NSD2: variants seen among roughly 807,000 people sequenced by gnomAD.
The protein encoded by NSD2 is histone-lysine N-methyltransferase NSD2.
In NSD2, 12 loss-of-function variants were observed where a neutral mutation model predicts 139.0. That is an observed-to-expected ratio of 0.09 (90% confidence interval 0.06 to 0.14). NSD2 has a LOEUF of 0.14. NSD2 is among the 10% of genes least tolerant of loss of function. NSD2 has a pLI of 1.00. For missense variants in NSD2, 1,155 were observed against 1,745.0 expected (o/e 0.66, Z 6.02); for synonymous variants, 669 against 648.7 (o/e 1.03, Z -0.48).
chr4:1,944,144 T>C, intron 9 of NSD2: 1 of 1,066,328 alleles, frequency 9.4e-7, no homozygotes, highest in Non-Finnish European at 1.1e-6. Context: ...GCAAGTGAAC[T>C]CAGCACTCTG....
rs967398828 is a variant in NSD2, at chr4:1,948,933, C to T, written c.1882-2139C>T. The T allele has an allele frequency of 1.1e-5, 5 of 468,810 alleles. No homozygotes were observed. The highest frequency in any genetic ancestry group is 2.1e-5 in the African/African-American group (1 of 47,342). 29.0% of individuals were successfully genotyped at this position (468,810 alleles called of 1,614,324 possible). On this transcript the variant is annotated intron_variant, in intron 9 of 21. Coordinates refer to ENST00000508803, the MANE Select transcript of NSD2 (RefSeq NM_001042424.3). This position sits in a 1 kb window ranked among gnomAD's most constrained non-coding sequence, Gnocchi z 4.5. Reference sequence around the variant, plus strand: ...GGGAAGAGCATGGGTTGGTGGATAGCGCTGGGGCTCTCTCCCCTGAGCCAT... The same window carrying T: ...GGGAAGAGCATGGGTTGGTGGATAGTGCTGGGGCTCTCTCCCCTGAGCCAT...
At chr4:1,888,017 G>A (rs1577362901) in intron 1 of NSD2, among the ~76,000 whole-genome samples, 1 of 151,900 alleles carries the variant, frequency 6.6e-6, no homozygotes, top group East Asian at 1.9e-4. Context: ...CTTCTGCGAT[G>A]GACCATCTGT....
At chr4:1,872,248 T>C (rs957124768) in intron 1 of NSD2, among the ~76,000 whole-genome samples, 2 of 152,074 alleles carry the variant, frequency 1.3e-5, no homozygotes, top group Admixed American at 1.3e-4. Flanking sequence ...GCCCTCGGCG[T>C]CCGGGCCTCC....
intron 5 of NSD2, 88 bp downstream of exon 5, chr4:1,918,711 T>C: frequency 1.3e-6 from 2 of 1,518,934 alleles, no homozygotes; most frequent in African/African-American, 2.8e-5. Flanking sequence ...CTCAGCATTA[T>C]CAGGAGACTC....
chr4:1,952,669 G>T (rs1262809167), intron 11 of NSD2: 3 of 1,034,080 alleles, frequency 2.9e-6, no homozygotes, highest in Non-Finnish European at 3.5e-6. Context: ...GTCACCTTGA[G>T]CCTCAGTTTC....
At chr4:1,940,349 TC>T (rs756132929) in intron 9 of NSD2, 249 of 1,068,328 alleles carry the variant, frequency 2.3e-4, no homozygotes, top group Middle Eastern at 8.3e-4. Context: ...GTAATATGAC[TC>T]CTGTGTTCTG....
At chr4:1,920,872 A>G (rs1324378450) in intron 5 of NSD2, among the ~76,000 whole-genome samples, 2 of 151,998 alleles carry the variant, frequency 1.3e-5, no homozygotes, top group Non-Finnish European at 2.9e-5. Context: ...CTCTAAAAAA[A>G]AAAAAATTTT....
intron 9 of NSD2, chr4:1,941,378 A>G: frequency 9.5e-7 from 1 of 1,051,236 alleles, no homozygotes; most frequent in South Asian, 4.6e-5. Flanking sequence ...CTTCTCTGTT[A>G]TTCCTGATCC....
At chr4:1,916,452 C>T (rs1719409432) in intron 3 of NSD2, among the ~76,000 whole-genome samples, 1 of 152,152 alleles carries the variant, frequency 6.6e-6, no homozygotes, top group African/African-American at 2.4e-5. Flanking sequence ...CTCACGCCAT[C>T]CTCTCACCTC....
chr4:1,914,801 C>T (rs1719141093), intron 3 of NSD2, among the ~76,000 whole-genome samples: 1 of 152,176 alleles, frequency 6.6e-6, no homozygotes, highest in Non-Finnish European at 1.5e-5. Context: ...CCTTGCTATT[C>T]TATTTCTTGT....
In NSD2 at chr4:1,955,520, A is replaced by G; in HGVS notation, c.2519-173A>G. The G allele has an allele frequency of 8.1e-7, 1 of 1,230,132 alleles. No individual in the cohort carries two copies. The highest frequency in any genetic ancestry group is 1.1e-6 in the Non-Finnish European group (1 of 912,744). The allele number at this position is 1,230,132 out of a possible 1,614,324, so 76.2% of individuals were successfully genotyped here. On this transcript the variant is annotated intron_variant, in intron 13 of 21. Transcript: ENST00000508803. The surrounding 1 kb of genome is among the most constrained non-coding windows in gnomAD (Gnocchi z 4.7). ...AATTGTAATCATTTCGCAAACATAC[A>G]GGAAATTATTTGTGGTGAAAATGAC...
chr4:1,964,630 G>GCGCTGC lies in NSD2; in HGVS notation c.3372+3482_3372+3487dup, dbSNP rs548593573. On this transcript the variant is annotated intron_variant, in intron 18 of 21. Coordinates refer to ENST00000508803, the MANE Select transcript of NSD2 (RefSeq NM_001042424.3). ...AGAGGTGCAGACAAAGAGGTGCGCTGCGCTGCCGTTGTTATCACACCTCCC... is the reference window on the plus strand; with the variant it reads ...AGAGGTGCAGACAAAGAGGTGCGCTGCGCTGCCGCTGCCGTTGTTATCACACCTCCC... 1.2e-3 allele frequency among the ~76,000 whole-genome samples: 184 copies of GCGCTGC among 152,236 alleles called. 2 individuals are homozygous for GCGCTGC. The highest frequency in any genetic ancestry group is 0.011 in the East Asian group (58 of 5,172).
rs1314458703 is a variant in NSD2, at chr4:1,918,144, T to C, written c.931T>C (p.Leu311=). The C allele has an allele frequency of 5.6e-6, 9 of 1,607,502 alleles. No homozygotes were observed. In the Admixed American group the frequency reaches 1.4e-4, roughly 24 times the overall value. The change falls in exon 5 of 22, where the codon TTG becomes CTG. Residue 311 remains leucine, a synonymous_variant. Transcript: ENST00000508803. ...APTKAEKIKL[L]KPISGKLRAQ... ...GTGTCTCTTTTTTTTTTCCCAGCTATTGAAACCAATTTCAGGGAAATTGAG... is the reference window on the plus strand; with the variant it reads ...GTGTCTCTTTTTTTTTTCCCAGCTACTGAAACCAATTTCAGGGAAATTGAG...
intron 6 of NSD2, among the ~76,000 whole-genome samples, chr4:1,932,733 A>G (rs959732771): frequency 6.6e-6 from 1 of 152,212 alleles, no homozygotes; most frequent in African/African-American, 2.4e-5. Flanking sequence ...GGAATGGCCA[A>G]CAGGAGCGAA....
At chr4:1,959,351 G>A in intron 16 of NSD2, 120 bp from the exon 17 acceptor site, 3 of 1,152,126 alleles carry the variant, frequency 2.6e-6, no homozygotes, top group South Asian at 3.0e-5. Context: ...TCCTAGCCAG[G>A]ACTCTGAAGC....
intron 9 of NSD2, chr4:1,940,121 G>C: frequency 1.7e-6 from 2 of 1,153,812 alleles, no homozygotes; most frequent in Non-Finnish European, 2.1e-6. Context: ...AAGTAAGTCT[G>C]CGTTGGTTCT....
chr4:1,953,428 C>T lies in NSD2; in HGVS notation c.2242C>T (p.Pro748Ser). 1 of 1,614,110 alleles carries T rather than the reference C, an allele frequency of 6.2e-7. No homozygotes were observed. Among genetic ancestry groups the T allele is most frequent in the Non-Finnish European group, 8.5e-7 (1 of 1,180,026 alleles). The change falls in exon 12 of 22, where the codon CCT (proline) becomes TCT (serine). Residue 748 changes from proline (P) to serine (S), a missense_variant. By Grantham distance (74) the Pro-to-Ser change is moderately conservative. Coordinates refer to ENST00000508803, the MANE Select transcript of NSD2 (RefSeq NM_001042424.3). ...CCATGAGGCTTGTGTGAAAAAATACCCTCTGACTGTATTTGAGAGCCGAGG... is the reference window on the plus strand; with the variant it reads ...CCATGAGGCTTGTGTGAAAAAATACTCTCTGACTGTATTTGAGAGCCGAGG... ...FYHEACVKKY[P>S]LTVFESRGFR...
Position 1,900,510 on chromosome 4 carries a change from T to A in NSD2, c.-29-116T>A, listed in dbSNP as rs143035889. On this transcript the variant is annotated intron_variant, in intron 1 of 21. Transcript: ENST00000508803. ...GACCTGAATTATTATAAAAACATCA[T>A]AAATTGCTTACAAAGAAAATCAGAC... The A allele has an allele frequency of 1.8e-3, 1,091 of 607,370 alleles. 7 individuals are homozygous for A. The African/African-American group carries it at 0.019, about 11-fold the overall frequency. The allele number at this position is 607,370 out of a possible 1,614,324, so 37.6% of individuals were successfully genotyped here. A position where few individuals can be genotyped will look rare whatever the true frequency, so the allele number is the denominator to read the frequency against.
At position 1,942,813 on chromosome 4, in the gene NSD2, CA is replaced by C; in HGVS notation, c.1881+3036del. On this transcript the variant is annotated intron_variant, in intron 9 of 21. Transcript: ENST00000508803. The surrounding 1 kb of genome is among the most constrained non-coding windows in gnomAD (Gnocchi z 4.0). ...GCTACCCTCAGAAACAAACTAACAG[CA>C]CACGTTAGGAGGAGTCCTCATCAGC... 1 of 1,076,708 alleles carries C rather than the reference CA, an allele frequency of 9.3e-7. No individual in the cohort carries two copies. The highest frequency in any genetic ancestry group is 1.1e-6 in the Non-Finnish European group (1 of 885,444). 66.7% of individuals were successfully genotyped at this position (1,076,708 alleles called of 1,614,324 possible). A position where few individuals can be genotyped will look rare whatever the true frequency, so the allele number is the denominator to read the frequency against.
Sources: allele counts gnomAD v4.1 joint callset (sites outside exome capture counted in the v4.1 genomes callset), GRCh38; gene constraint gnomAD v4.1.1; non-coding constraint Gnocchi (gnomAD v3.1); transcripts MANE v1.5; gene names NCBI Gene and HGNC (gene_info 2026-07-23, HGNC 2026-07-21).